Variants in HHAT observed in about 807,000 individuals in gnomAD.
HHAT encodes hedgehog acyltransferase.
Under a neutral mutation model 70.8 loss-of-function variants are expected in HHAT, and 47 were observed. The observed-to-expected ratio is 0.66, with a 90% CI of 0.53 to 0.85. The LOEUF (loss-of-function observed/expected upper bound fraction) is 0.85. HHAT is among the 40% of genes least tolerant of loss of function. The probability of loss-of-function intolerance (pLI) is 0.00; values close to 1 mark genes in which losing one functional copy is unlikely to be tolerated. For missense variants in HHAT, 609 were observed against 604.8 expected (o/e 1.01, Z -0.07); for synonymous variants, 228 against 247.6 (o/e 0.92, Z 0.74).
At chr1:210,528,329 A>G (rs921929001) in intron 9 of HHAT, among the ~76,000 whole-genome samples, 1 of 152,202 alleles carries the variant, frequency 6.6e-6, no homozygotes, top group African/African-American at 2.4e-5. Flanking sequence ...CATAGGAGGA[A>G]AAAGAGAAAG....
At chr1:210,448,081 C>CTTTT (rs34807311) in intron 7 of HHAT, among the ~76,000 whole-genome samples, 3 of 136,828 alleles carry the variant, frequency 2.2e-5, no homozygotes, top group African/African-American at 5.5e-5. Flanking sequence ...GTTAGAGGTT[C>CTTTT]TTTTTTTTTT....
chr1:210,362,717 A>G lies in HHAT; in HGVS notation c.92-135A>G, dbSNP rs907561754. On this transcript the variant is annotated intron_variant, in intron 2 of 11. Coordinates refer to ENST00000261458, the MANE Select transcript of HHAT (RefSeq NM_018194.6). ...GGAAAGCAAGGTCAAGGAGTGTGGT[A>G]TGTTTCCGTGCCTGCACCTTAGTCC... The G allele has an allele frequency of 1.0e-5, 7 of 669,624 alleles. No homozygotes were observed. The African/African-American group carries it at 1.3e-4, about 12-fold the overall frequency. The allele number at this position is 669,624 out of a possible 1,614,324, so 41.5% of individuals were successfully genotyped here.
chr1:210,428,238 T>C (rs1307568055), intron 7 of HHAT, among the ~76,000 whole-genome samples: 4 of 139,480 alleles, frequency 2.9e-5, no homozygotes, highest in Admixed American at 7.5e-5. Context: ...ATTTTTTTCC[T>C]ATAGTTCTTT....
intron 6 of HHAT, among the ~76,000 whole-genome samples, chr1:210,411,323 T>C (rs2092546100): frequency 6.6e-6 from 1 of 152,208 alleles, no homozygotes; most frequent in Non-Finnish European, 1.5e-5. Context: ...GGGTAGGTTA[T>C]GCTGAAGAGC....
intron 7 of HHAT, among the ~76,000 whole-genome samples, chr1:210,454,708 A>G (rs1398522357): frequency 6.6e-6 from 1 of 152,226 alleles, no homozygotes; most frequent in African/African-American, 2.4e-5. Context: ...GAGGAACAAG[A>G]TGGGCAAATA....
chr1:210,623,385 T>C, intron 10 of HHAT, 141 bp from the exon 11 acceptor site: 1 of 922,104 alleles, frequency 1.1e-6, no homozygotes, highest in Non-Finnish European at 1.7e-6. Context: ...GAATTGAAGT[T>C]TTGAGAGCTG....
intron 2 of HHAT, among the ~76,000 whole-genome samples, chr1:210,353,382 A>G (rs7527449): frequency 0.015 from 2,269 of 152,066 alleles, 66 homozygotes; most frequent in African/African-American, 0.052. Flanking sequence ...TTCGGAATAA[A>G]AACTATTGAA....
intron 7 of HHAT, among the ~76,000 whole-genome samples, chr1:210,428,476 C>G (rs935213789): frequency 6.6e-6 from 1 of 150,976 alleles, no homozygotes; most frequent in African/African-American, 2.5e-5. Flanking sequence ...TTTGGCCAAG[C>G]TGGTATCCAA....
intron 11 of HHAT, among the ~76,000 whole-genome samples, chr1:210,630,483 T>A (rs1176051123): frequency 1.3e-5 from 2 of 152,152 alleles, no homozygotes; most frequent in East Asian, 3.8e-4. Flanking sequence ...TCAAAAGAAA[T>A]AATAATTAAA....
chr1:210,511,842 T>G (rs1023948448), intron 8 of HHAT, among the ~76,000 whole-genome samples: 1 of 132,998 alleles, frequency 7.5e-6, no homozygotes, highest in Non-Finnish European at 1.5e-5. Context: ...CAGGCTGGAG[T>G]GCAGTGGTGT....
chr1:210,366,117 A>T (rs1354889455), intron 3 of HHAT, among the ~76,000 whole-genome samples: 1 of 151,870 alleles, frequency 6.6e-6, no homozygotes, highest in Non-Finnish European at 1.5e-5. Context: ...TTTTGTAGAG[A>T]TGGGGTCTCA....
intron 11 of HHAT, among the ~76,000 whole-genome samples, chr1:210,633,817 C>T (rs1433581366): frequency 6.6e-6 from 1 of 152,130 alleles, no homozygotes; most frequent in African/African-American, 2.4e-5. Flanking sequence ...GCCTTTGTCC[C>T]CTGGGCGCTT....
chr1:210,512,385 A>G (rs1187763200), intron 8 of HHAT, among the ~76,000 whole-genome samples: 1 of 151,808 alleles, frequency 6.6e-6, no homozygotes, highest in Non-Finnish European at 1.5e-5. Flanking sequence ...CTTTTGAAAC[A>G]TATTTCGGGC....
At chr1:210,615,899 G>T (rs1028904930) in intron 10 of HHAT, among the ~76,000 whole-genome samples, 4 of 152,166 alleles carry the variant, frequency 2.6e-5, no homozygotes, top group Admixed American at 2.6e-4. Context: ...CCCACTTGAG[G>T]AGGCAGTCTG....
chr1:210,541,002 G>A (rs192784938), intron 9 of HHAT, among the ~76,000 whole-genome samples: 7 of 152,062 alleles, frequency 4.6e-5, no homozygotes, highest in Admixed American at 1.3e-4. Flanking sequence ...CGCCATGCCC[G>A]GCTAATTTTT....
chr1:210,512,498 A>C (rs1001716676), intron 8 of HHAT, among the ~76,000 whole-genome samples: 5 of 151,450 alleles, frequency 3.3e-5, no homozygotes, highest in Non-Finnish European at 7.4e-5. Context: ...AATATAGACT[A>C]TGTCTCTACT....
At chr1:210,673,355 A>T (rs1011943952) in intron 11 of HHAT, among the ~76,000 whole-genome samples, 10 of 121,770 alleles carry the variant, frequency 8.2e-5, no homozygotes, top group African/African-American at 1.7e-4. Context: ...CTACAAGTTT[A>T]AAAAAAAAAA....
Position 210,674,441 on chromosome 1 carries a change from A to T in HHAT, c.*62A>T, listed in dbSNP as rs940475640. ...CCAAGGCAAATAGTGCTTCACCCTGACCTCTCACTCCAGGACAGCCTCTAA... is the reference window on the plus strand; with the variant it reads ...CCAAGGCAAATAGTGCTTCACCCTGTCCTCTCACTCCAGGACAGCCTCTAA... On this transcript the variant is annotated 3_prime_UTR_variant, in exon 12 of 12. Transcript: ENST00000261458. 39 of 1,311,084 alleles carry T rather than the reference A, an allele frequency of 3.0e-5. No homozygotes were observed. The highest frequency in any genetic ancestry group is 1.8e-4 in the Middle Eastern group (1 of 5,544). 81.2% of individuals were successfully genotyped at this position (1,311,084 alleles called of 1,614,324 possible). A position where few individuals can be genotyped will look rare whatever the true frequency, so the allele number is the denominator to read the frequency against.
At chr1:210,509,857 C>T (rs1055785047) in intron 8 of HHAT, among the ~76,000 whole-genome samples, 5 of 152,184 alleles carry the variant, frequency 3.3e-5, no homozygotes, top group African/African-American at 9.7e-5. Flanking sequence ...TGCAAAGGCT[C>T]TTATATTTAC....
Sources: allele counts gnomAD v4.1 joint callset (sites outside exome capture counted in the v4.1 genomes callset), GRCh38; gene constraint gnomAD v4.1.1; transcripts MANE v1.5; gene names NCBI Gene and HGNC (gene_info 2026-07-23, HGNC 2026-07-21).